LANCL2: variants seen among roughly 807,000 people sequenced by gnomAD.
LANCL2 encodes the protein LanC like glutathione S-transferase 2.
In LANCL2, 33 loss-of-function variants were observed where a neutral mutation model predicts 56.9. The observed-to-expected ratio is 0.58, with a 90% CI of 0.44 to 0.78. The LOEUF (loss-of-function observed/expected upper bound fraction) is 0.78. Among genes scored for constraint, LANCL2 ranks in the 30% least tolerant of loss-of-function variants. The probability of loss-of-function intolerance (pLI) is 0.00; values close to 1 mark genes in which losing one functional copy is unlikely to be tolerated. For missense variants in LANCL2, 562 were observed against 580.2 expected (o/e 0.97, Z 0.32); for synonymous variants, 233 against 228.2 (o/e 1.02, Z -0.19).
At chr7:55,385,264 G>A (rs1196404326) in intron 1 of LANCL2, among the ~76,000 whole-genome samples, 1 of 152,142 alleles carries the variant, frequency 6.6e-6, no homozygotes, top group Admixed American at 6.5e-5. Flanking sequence ...GGTGGTGTGG[G>A]GGTGCAAGAA....
intron 5 of LANCL2, among the ~76,000 whole-genome samples, chr7:55,406,341 C>T (rs576076197): frequency 6.6e-6 from 1 of 152,238 alleles, no homozygotes; most frequent in Non-Finnish European, 1.5e-5. Flanking sequence ...CTGGTGCCTT[C>T]TCAGGAACAA....
At chr7:55,407,282 G>A (rs193258645) in intron 5 of LANCL2, among the ~76,000 whole-genome samples, 32 of 152,300 alleles carry the variant, frequency 2.1e-4, no homozygotes, top group African/African-American at 7.7e-4. Flanking sequence ...ATGGTCCAGG[G>A]TGAGACTGCC....
At chr7:55,423,183 G>A (rs1790627079) in intron 6 of LANCL2, among the ~76,000 whole-genome samples, 1 of 152,230 alleles carries the variant, frequency 6.6e-6, no homozygotes, top group Non-Finnish European at 1.5e-5. Flanking sequence ...ATTCTTGGAT[G>A]TCTCGCTGTT....
intron 5 of LANCL2, among the ~76,000 whole-genome samples, chr7:55,406,247 C>T (rs1371774639): frequency 6.6e-6 from 1 of 152,190 alleles, no homozygotes; most frequent in Non-Finnish European, 1.5e-5. Context: ...CCAAGGGTAG[C>T]ATTTTCCACC....
chr7:55,424,902 G>A (rs1466218391), intron 6 of LANCL2, among the ~76,000 whole-genome samples: 1 of 152,234 alleles, frequency 6.6e-6, no homozygotes, highest in East Asian at 1.9e-4. Context: ...TTATGCGAGG[G>A]ATCTAGGTTG....
rs1438643310 is a variant in LANCL2 at position 55,425,421 on chromosome 7, A to T, written c.1176A>T (p.Arg392=). Reference sequence around the variant, plus strand: ...CGCAGGATAAGAAGTACCTCTACCGAGCTTGCAAGGTGAGGGTGGCTCTGT... The same window carrying T: ...CGCAGGATAAGAAGTACCTCTACCGTGCTTGCAAGGTGAGGGTGGCTCTGT... ...RLTQDKKYLY[R]ACKFAEWCLD... The change falls in exon 7 of 9, where the codon CGA becomes CGT. Residue 392 remains arginine (R), a synonymous_variant. Coordinates refer to ENST00000254770, the MANE Select transcript of LANCL2 (RefSeq NM_018697.4). 1 of 1,613,786 alleles carries T rather than the reference A, an allele frequency of 6.2e-7. No individual in the cohort carries two copies. Among genetic ancestry groups the T allele is most frequent in the Admixed American group, 1.7e-5 (1 of 59,974 alleles).
chr7:55,432,132 A>G lies in LANCL2; in HGVS notation c.*812A>G, dbSNP rs1790736962. Reference sequence around the variant, plus strand: ...GCAGTTCCAGAACATTTACCCAGGTATATGTTACTAAAACAGGCTCCACCT... The same window carrying G: ...GCAGTTCCAGAACATTTACCCAGGTGTATGTTACTAAAACAGGCTCCACCT... On this transcript the variant is annotated 3_prime_UTR_variant, in exon 9 of 9. Transcript: ENST00000254770. The G allele has an allele frequency of 6.6e-6, 1 of 152,218 alleles. No homozygotes were observed. The highest frequency in any genetic ancestry group is 2.4e-5 in the African/African-American group (1 of 41,462). The allele number at this position is 152,218 out of a possible 1,614,324, so 9.4% of individuals were successfully genotyped here.
intron 1 of LANCL2, among the ~76,000 whole-genome samples, chr7:55,381,583 A>G (rs540894106): frequency 2.6e-5 from 4 of 152,370 alleles, no homozygotes; most frequent in Admixed American, 2.6e-4. Flanking sequence ...GGGCAAAGTT[A>G]CCTGCTATCT....
chr7:55,428,389 T>C lies in LANCL2; in HGVS notation c.1200T>C (p.Cys400=). ...TTTCTTTTCAGTTTGCAGAGTGGTG[T>C]CTAGATTACGGAGCACACGGGTGCC... ...LYRACKFAEW[C]LDYGAHGCRI... Residue 400 remains cysteine (C), a synonymous_variant, in exon 8 of 9, where the codon TGT becomes TGC. Coordinates refer to ENST00000254770, the MANE Select transcript of LANCL2 (RefSeq NM_018697.4). 1.2e-6 allele frequency: 2 copies of C among 1,614,118 alleles called. No individual in the cohort carries two copies. The highest frequency in any genetic ancestry group is 1.7e-6 in the Non-Finnish European group (2 of 1,179,950).
intron 7 of LANCL2, among the ~76,000 whole-genome samples, chr7:55,425,851 G>A (rs1374388273): frequency 6.6e-6 from 1 of 152,116 alleles, no homozygotes; most frequent in Non-Finnish European, 1.5e-5. Flanking sequence ...AACCCTCCAC[G>A]GCTTCCCATT....
At chr7:55,366,547 C>T (rs746954848) in intron 1 of LANCL2, among the ~76,000 whole-genome samples, 3 of 152,184 alleles carry the variant, frequency 2.0e-5, no homozygotes, top group African/African-American at 7.2e-5. Flanking sequence ...CCGCGGACAC[C>T]TCCCGCCCCT....
rs563898121 is a variant in LANCL2 at position 55,431,907 on chromosome 7, T to C, written c.*587T>C. On this transcript the variant is annotated 3_prime_UTR_variant, in exon 9 of 9. Coordinates refer to ENST00000254770, the MANE Select transcript of LANCL2 (RefSeq NM_018697.4). ...ACAGCTGAACGCTTCCCGTTTGGAT[T>C]TTACACTCACCTTCGTGTTTTAAAG... 1 of 152,366 alleles carries C rather than the reference T, an allele frequency of 6.6e-6. No individual in the cohort carries two copies. Among genetic ancestry groups the C allele is most frequent in the East Asian group, 1.9e-4 (1 of 5,182 alleles). 9.4% of individuals were successfully genotyped at this position (152,366 alleles called of 1,614,324 possible).
intron 1 of LANCL2, among the ~76,000 whole-genome samples, chr7:55,390,260 A>G (rs1291681498): frequency 6.6e-6 from 1 of 152,174 alleles, no homozygotes; most frequent in African/African-American, 2.4e-5. Flanking sequence ...AAATAATTCC[A>G]TAGTCATAAG....
rs71031852 is a variant in LANCL2 at position 55,415,621 on chromosome 7, C to CTTTTTTTTTTTTTTTTTTTTTTTT, written c.1008+3540_1008+3541insTTTTTTTTTTTTTTTTTTTTTTTT. ...CCATAGTTTATCATTGTTTTTCTTT[C>CTTTTTTTTTTTTTTTTTTTTTTTT]TTTTTTTTGAGACACAGTGTCGCTC... is the stretch of plus-strand genomic sequence containing the variant. On this transcript the variant is annotated intron_variant, in intron 6 of 8. Transcript: ENST00000254770. Among the ~76,000 whole-genome samples the CTTTTTTTTTTTTTTTTTTTTTTTT allele has an allele frequency of 1.6e-3, 177 of 111,736 alleles. 12 individuals carry two copies. The highest frequency in any genetic ancestry group is 2.9e-3 in the African/African-American group (92 of 31,588). 73.3% of individuals were successfully genotyped at this position (111,736 alleles called of 152,430 possible).
chr7:55,396,419 C>T (rs969872688), intron 2 of LANCL2, among the ~76,000 whole-genome samples: 7 of 152,256 alleles, frequency 4.6e-5, no homozygotes, highest in African/African-American at 1.7e-4. Context: ...CCCGCCTACC[C>T]GGAGCAAGGG....
At chr7:55,383,120 T>C (rs1430852525) in intron 1 of LANCL2, among the ~76,000 whole-genome samples, 1 of 151,968 alleles carries the variant, frequency 6.6e-6, no homozygotes, top group Non-Finnish European at 1.5e-5. Flanking sequence ...TAGTGGGACG[T>C]GGTGGTGATA....
At chr7:55,381,577 A>G (rs532572562) in intron 1 of LANCL2, among the ~76,000 whole-genome samples, 1 of 152,262 alleles carries the variant, frequency 6.6e-6, no homozygotes, top group Non-Finnish European at 1.5e-5. Context: ...GATGCAGGGC[A>G]AAGTTACCTG....
In LANCL2 at chr7:55,365,508, T is replaced by G. The variant is rs1178859586; in HGVS notation, c.-518T>G. ...GACGACGGCGCGCCAGGGGCTGAGC[T>G]CGCCCCGGTCGGCGACGCGCACACA... On this transcript the variant is annotated 5_prime_UTR_variant, in exon 1 of 9. Transcript: ENST00000254770. The G allele has an allele frequency of 6.6e-6, 1 of 152,314 alleles. No homozygotes were observed. Among genetic ancestry groups the G allele is most frequent in the Admixed American group, 6.5e-5 (1 of 15,292 alleles). The allele number at this position is 152,314 out of a possible 1,614,324, so 9.4% of individuals were successfully genotyped here.
chr7:55,378,518 G>GTA (rs928643137), intron 1 of LANCL2, among the ~76,000 whole-genome samples: 2 of 117,938 alleles, frequency 1.7e-5, no homozygotes, highest in South Asian at 2.4e-4. Flanking sequence ...ATGTATATGT[G>GTA]TATATATATG....
Sources: allele counts gnomAD v4.1 joint callset (sites outside exome capture counted in the v4.1 genomes callset), GRCh38; gene constraint gnomAD v4.1.1; transcripts MANE v1.5; gene names NCBI Gene and HGNC (gene_info 2026-07-23, HGNC 2026-07-21).